The following DGKZ variants were observed in gnomAD, a reference collection of about 807,000 sequenced individuals.
DGKZ encodes the protein DAG kinase zeta.
Under a neutral mutation model 142.5 loss-of-function variants are expected in DGKZ, and 45 were observed. The observed-to-expected ratio is 0.32, with a 90% CI of 0.25 to 0.40. The LOEUF (loss-of-function observed/expected upper bound fraction) is 0.40, where lower values mean the gene tolerates loss of function less well. Among genes scored for constraint, DGKZ ranks in the 10% least tolerant of loss-of-function variants. The probability of loss-of-function intolerance (pLI) is 1.00; values close to 1 mark genes in which losing one functional copy is unlikely to be tolerated. For synonymous variants in DGKZ, 442 were observed against 527.0 expected (o/e 0.84, Z 2.21); for missense variants, 755 against 1,306.5 (o/e 0.58, Z 6.51).
chr11:46,354,912 T>G (rs1941826230), intron 1 of DGKZ, among the ~76,000 whole-genome samples: 2 of 152,210 alleles, frequency 1.3e-5, no homozygotes, highest in African/African-American at 4.8e-5. Context: ...TTCCATTGTG[T>G]AACAGCAGCT....
rs113014196 is a variant in DGKZ at position 46,365,917 on chromosome 11, T to C, written c.162-1374T>C. 7.3e-3 allele frequency: 7,191 copies of C among 985,386 alleles called. 56 individuals are homozygous for C. The highest frequency in any genetic ancestry group is 7.4e-3 in the Non-Finnish European group (6,110 of 829,906). The allele number at this position is 985,386 out of a possible 1,614,324, so 61.0% of individuals were successfully genotyped here. ...CCAGAGCTCTGTAGATTCTGGTGCC[T>C]GGATGGGGGAAGAAGGGGTAGCCTG... On this transcript the variant is annotated intron_variant, in intron 1 of 30. Transcript: ENST00000527911.
At chr11:46,371,659 C>G (rs200852628) in intron 8 of DGKZ, 45 bp from the exon 9 acceptor site, 6 of 1,613,804 alleles carry the variant, frequency 3.7e-6, no homozygotes. Context: ...TGCCAGCTAC[C>G]CCAGCCTGCC....
Position 46,367,075 on chromosome 11 carries a change from T to C in DGKZ, c.162-216T>C. The C allele has an allele frequency of 7.0e-7, 1 of 1,434,868 alleles. No individual in the cohort carries two copies. Among genetic ancestry groups the C allele is most frequent in the African/African-American group, 1.4e-5 (1 of 70,108 alleles). The allele number at this position is 1,434,868 out of a possible 1,614,324, so 88.9% of individuals were successfully genotyped here. ...CCTTGAAGCTCTGCCTGGCTGAGGG[T>C]TCCCCACTTGGGAACACTCTGGGCA... On this transcript the variant is annotated intron_variant, in intron 1 of 30. Transcript: ENST00000527911. This position sits in a 1 kb window ranked among gnomAD's most constrained non-coding sequence, Gnocchi z 4.1.
exon 25 of DGKZ, chr11:46,377,086 A>T (rs753759093): frequency 4.3e-6 from 7 of 1,613,364 alleles, no homozygotes; most frequent in Non-Finnish European, 5.9e-6. Flanking sequence ...CACCTCAACT[A>T]TGTGACTGAG....
intron 1 of DGKZ, among the ~76,000 whole-genome samples, chr11:46,335,079 C>T (rs568001288): frequency 1.3e-5 from 2 of 152,022 alleles, no homozygotes; most frequent in Admixed American, 6.5e-5. Flanking sequence ...TTTGGGAGGC[C>T]GAGGCAGGAG....
exon 1 of DGKZ, chr11:46,333,127 C>G (rs907694661): frequency 1.7e-6 from 1 of 605,026 alleles, no homozygotes; most frequent in African/African-American, 1.9e-5. Context: ...CTGCTCCTGT[C>G]GTCTAAGCGT....
At chr11:46,378,406 A>G in intron 26 of DGKZ, 51 bp from the exon 27 acceptor site, 1 of 1,561,728 alleles carries the variant, frequency 6.4e-7, no homozygotes, top group African/African-American at 1.4e-5. Context: ...TGAGGCACCA[A>G]CCCAAGCCCA....
chr11:46,366,201 G>A (rs761877318), intron 1 of DGKZ: 2 of 1,507,230 alleles, frequency 1.3e-6, no homozygotes, highest in Non-Finnish European at 1.8e-6. Flanking sequence ...ACAGACCGTG[G>A]CCTGATCCAG....
rs867041687 is a variant in DGKZ, at chr11:46,370,067, A to G, written c.570+58A>G. 1.5e-5 allele frequency: 24 copies of G among 1,604,456 alleles called. 1 individual carries two copies. In the Middle Eastern group the frequency reaches 3.5e-3, roughly 232 times the overall value. Reference sequence around the variant, plus strand: ...GCACCTGCGGTCCTGAGCCCAGGCCATGTGGCCGGTGTGGCCTGCCGATCA... The same window carrying G: ...GCACCTGCGGTCCTGAGCCCAGGCCGTGTGGCCGGTGTGGCCTGCCGATCA... On this transcript the variant is annotated intron_variant, in intron 6 of 30. Coordinates refer to ENST00000527911, the Ensembl canonical transcript of DGKZ.
chr11:46,364,967 G>T (rs1463362178), intron 1 of DGKZ: 4 of 985,336 alleles, frequency 4.1e-6, no homozygotes, highest in Non-Finnish European at 4.8e-6. Flanking sequence ...CTGCTGTGGG[G>T]CACAGGTGGC....
chr11:46,333,318 G>A lies in DGKZ; in HGVS notation c.43G>A (p.Ala15Thr). The A allele has an allele frequency of 3.0e-6, 4 of 1,325,890 alleles. No individual in the cohort carries two copies. The African/African-American group carries it at 4.6e-5, about 15-fold the overall frequency. 82.1% of individuals were successfully genotyped at this position (1,325,890 alleles called of 1,614,324 possible). A position where few individuals can be genotyped will look rare whatever the true frequency, so the allele number is the denominator to read the frequency against. The stretch of plus-strand genomic sequence containing the variant: ...CGGCGGAGGGCAGCGCTGGGACTGG[G>A]CTGGCGGCGGCCGGGCAGCCGAGGA... Residue 15 changes from alanine (A) to threonine (T), a missense_variant, in exon 1 of 31, where the codon GCT becomes ACT. Ala to Thr is a moderately conservative substitution (Grantham distance 58, BLOSUM62 0). Transcript: ENST00000343674.
At chr11:46,363,696 G>T (rs1303972862) in intron 1 of DGKZ, among the ~76,000 whole-genome samples, 1 of 152,200 alleles carries the variant, frequency 6.6e-6, no homozygotes, top group Admixed American at 6.5e-5. Flanking sequence ...TGTTTTCTGG[G>T]TGACAGTAGC....
chr11:46,359,593 A>G (rs1404567760), intron 1 of DGKZ, among the ~76,000 whole-genome samples: 1 of 151,496 alleles, frequency 6.6e-6, no homozygotes, highest in Non-Finnish European at 1.5e-5. Context: ...TTTTATATTT[A>G]TATTTATTTA....
intron 1 of DGKZ, chr11:46,366,991 A>T (rs1035511618): frequency 6.6e-7 from 1 of 1,514,716 alleles, no homozygotes; most frequent in Non-Finnish European, 8.8e-7. Context: ...TCGCGTAGGT[A>T]TAGCTGTGGC....
At chr11:46,363,717 G>A (rs936669170) in intron 1 of DGKZ, among the ~76,000 whole-genome samples, 5 of 152,234 alleles carry the variant, frequency 3.3e-5, no homozygotes, top group Admixed American at 2.6e-4. Flanking sequence ...ATCAGGCGGT[G>A]TGTCCGGGTG....
chr11:46,333,741 AG>A (rs2136371059), intron 1 of DGKZ, among the ~76,000 whole-genome samples: 1 of 152,232 alleles, frequency 6.6e-6, no homozygotes, highest in African/African-American at 2.4e-5. Flanking sequence ...GGCGCTAAGG[AG>A]AGGAAAGAGC....
At chr11:46,376,252 G>C in intron 22 of DGKZ, 76 bp from the exon 23 acceptor site, 1 of 1,607,516 alleles carries the variant, frequency 6.2e-7, no homozygotes, top group Non-Finnish European at 8.5e-7. Flanking sequence ...CCTCTGTGCT[G>C]GTTCCCCCTA....
intron 14 of DGKZ, 80 bp downstream of exon 14, chr11:46,373,181 C>G: frequency 1.4e-6 from 2 of 1,448,556 alleles, no homozygotes; most frequent in East Asian, 2.6e-5. Flanking sequence ...GGTTCTGGGA[C>G]CTCGGGCGTG....
Position 46,347,503 on chromosome 11 carries a change from C to T in DGKZ, c.-157C>T. On this transcript the variant is annotated 5_prime_UTR_variant, in exon 1 of 31. Transcript: ENST00000527911. The surrounding 1 kb of genome is among the most constrained non-coding windows in gnomAD (Gnocchi z 6.4). ...GGCGGCGGCAGCGGCTTCCCGGGCACCTGGGCGTGGGGAGCGGGGGCGCGC... is the reference window on the plus strand; with the variant it reads ...GGCGGCGGCAGCGGCTTCCCGGGCATCTGGGCGTGGGGAGCGGGGGCGCGC... The T allele has an allele frequency of 1.0e-6, 1 of 982,428 alleles. No individual in the cohort carries two copies. Among genetic ancestry groups the T allele is most frequent in the Non-Finnish European group, 1.2e-6 (1 of 829,100 alleles). The allele number at this position is 982,428 out of a possible 1,614,324, so 60.9% of individuals were successfully genotyped here.
Sources: gnomAD v4.1 joint callset for allele counts (sites outside exome capture counted in the v4.1 genomes callset) on GRCh38, gnomAD v4.1.1 for gene constraint, Gnocchi (gnomAD v3.1) non-coding constraint, MANE v1.5 for transcripts, NCBI Gene and HGNC (gene_info 2026-07-23, HGNC 2026-07-21) for gene names.